RYR2: variants seen among roughly 807,000 people sequenced by gnomAD.
The protein encoded by RYR2 is ryanodine receptor 2, also known as cardiac muscle ryanodine receptor-calcium release channel.
In RYR2, 227 loss-of-function variants were observed where a neutral mutation model predicts 601.1. The ratio of observed to expected loss-of-function variants is 0.38; its 90% confidence interval spans 0.34 to 0.42. The LOEUF (loss-of-function observed/expected upper bound fraction) is 0.42. RYR2 is among the 10% of genes least tolerant of loss of function. The pLI, the probability that RYR2 is intolerant of heterozygous loss-of-function variation, is 1.00. For missense variants in RYR2, 4,646 were observed against 6,156.5 expected (o/e 0.75, Z 8.21); for synonymous variants, 2,223 against 2,175.1 (o/e 1.02, Z -0.61).
chr1:237,773,137 C>T (rs1215909197), intron 86 of RYR2, among the ~76,000 whole-genome samples: 3 of 152,120 alleles, frequency 2.0e-5, no homozygotes, highest in South Asian at 2.1e-4. Context: ...GGCCAGATGT[C>T]GGTACCCCAA....
chr1:237,481,456 G>GT (rs1662082838), intron 17 of RYR2, among the ~76,000 whole-genome samples: 2 of 152,086 alleles, frequency 1.3e-5, no homozygotes, highest in Admixed American at 1.3e-4. Context: ...AAAAAGATGT[G>GT]TTGTAATTAT....
chr1:237,252,853 T>C (rs1034791490), intron 1 of RYR2, among the ~76,000 whole-genome samples: 3 of 152,180 alleles, frequency 2.0e-5, no homozygotes, highest in African/African-American at 7.2e-5. Flanking sequence ...TTAATCCATA[T>C]TCTTTATTTA....
intron 14 of RYR2, among the ~76,000 whole-genome samples, chr1:237,453,617 G>A (rs547371822): frequency 1.9e-4 from 29 of 152,166 alleles, no homozygotes; most frequent in African/African-American, 6.7e-4. Flanking sequence ...AACTACAGTA[G>A]AGATGTTGTC....
Position 237,680,585 on chromosome 1 carries a change from GC to G in RYR2, c.9017+9del. 6.3e-7 allele frequency: 1 copy of G among 1,590,568 alleles called. No homozygotes were observed. Reference sequence around the variant, plus strand: ...GAAAGAAATGGTGACTAGGTAAACAGCTATAAAAATAAGCACTGTTGTATGA... The same window carrying G: ...GAAAGAAATGGTGACTAGGTAAACAGTATAAAAATAAGCACTGTTGTATGA... On this transcript the variant is annotated intron_variant, in intron 62 of 104. Coordinates refer to ENST00000366574, the MANE Select transcript of RYR2 (RefSeq NM_001035.3).
Position 237,826,839 on chromosome 1 carries a change from C to G in RYR2, c.14591-1542C>G, listed in dbSNP as rs376485388. On this transcript the variant is annotated intron_variant, in intron 101 of 104. Coordinates refer to ENST00000366574, the MANE Select transcript of RYR2 (RefSeq NM_001035.3). ...TTTTATGCATGAAGTAACTGAGCCA[C>G]AATAAGTCTAAGGAACTTGGCCAAA... Among the ~76,000 whole-genome samples, 109 of 152,212 alleles carry G rather than the reference C, an allele frequency of 7.2e-4. No individual in the cohort carries two copies. The South Asian group carries it at 0.012, about 17-fold the overall frequency.
At chr1:237,313,830 C>T (rs1343151082) in intron 2 of RYR2, among the ~76,000 whole-genome samples, 1 of 151,916 alleles carries the variant, frequency 6.6e-6, no homozygotes, top group East Asian at 1.9e-4. Context: ...TTTATAGCAT[C>T]CTGTTTTTTA....
intron 24 of RYR2, among the ~76,000 whole-genome samples, chr1:237,529,421 T>C (rs1207872583): frequency 1.3e-5 from 2 of 152,184 alleles, no homozygotes; most frequent in South Asian, 2.1e-4. Context: ...TATAAGCTTA[T>C]ATGTATCTGT....
At chr1:237,806,528 T>C (rs1660652955) in intron 99 of RYR2, among the ~76,000 whole-genome samples, 1 of 152,120 alleles carries the variant, frequency 6.6e-6, no homozygotes, top group Admixed American at 6.5e-5. Flanking sequence ...TACCAGATTT[T>C]TGCGAAAATG....
At chr1:237,818,979 C>T (rs1662137799) in intron 100 of RYR2, 57 bp from the exon 101 acceptor site, 14 of 1,521,744 alleles carry the variant, frequency 9.2e-6, no homozygotes, top group South Asian at 6.3e-5. Context: ...TCGGGTTTGT[C>T]GAGAAAAAAA....
intron 1 of RYR2, among the ~76,000 whole-genome samples, chr1:237,198,935 G>T (rs1297927454): frequency 6.6e-6 from 1 of 151,750 alleles, no homozygotes; most frequent in Non-Finnish European, 1.5e-5. Flanking sequence ...AACCACTTTG[G>T]TTAGGTTTTC....
chr1:237,741,220 G>C (rs1433238733), intron 79 of RYR2, among the ~76,000 whole-genome samples: 1 of 152,152 alleles, frequency 6.6e-6, no homozygotes, highest in Non-Finnish European at 1.5e-5. Context: ...GTATATATTT[G>C]TTGAATGAAT....
chr1:237,439,843 A>G (rs1707740945), intron 12 of RYR2, among the ~76,000 whole-genome samples: 1 of 148,484 alleles, frequency 6.7e-6, no homozygotes, highest in African/African-American at 2.5e-5. Context: ...AAAAAAAAAA[A>G]TGTTAGAGGC....
intron 38 of RYR2, among the ~76,000 whole-genome samples, 156 bp downstream of exon 38, chr1:237,617,642 G>T (rs919743677): frequency 6.6e-5 from 10 of 152,164 alleles, no homozygotes; most frequent in African/African-American, 2.4e-4. Context: ...TTCACCAAAA[G>T]AATTTCTTTG....
chr1:237,785,826 A>G (rs1477510407), intron 90 of RYR2, 143 bp from the exon 91 acceptor site: 30 of 670,078 alleles, frequency 4.5e-5, no homozygotes, highest in Non-Finnish European at 6.2e-5. Flanking sequence ...TATAAAATGA[A>G]AAACACGTGG....
At chr1:237,583,016 A>G (rs1674106452) in intron 29 of RYR2, among the ~76,000 whole-genome samples, 1 of 151,968 alleles carries the variant, frequency 6.6e-6, no homozygotes, top group South Asian at 2.1e-4. Context: ...TGCTTTCCAC[A>G]GTGGCTCAAC....
chr1:237,314,583 A>G (rs1400447457), intron 2 of RYR2, among the ~76,000 whole-genome samples: 1 of 152,202 alleles, frequency 6.6e-6, no homozygotes, highest in Admixed American at 6.5e-5. Flanking sequence ...GCACATATCA[A>G]TTGAACATGA....
chr1:237,587,751 G>T (rs6691013), intron 29 of RYR2, among the ~76,000 whole-genome samples: 35,445 of 152,056 alleles, frequency 0.23, 4,444 homozygotes, highest in East Asian at 0.47. Flanking sequence ...TTAAATGAAA[G>T]TATTTCAAAT....
chr1:237,552,793 A>T (rs1254469518), intron 27 of RYR2, among the ~76,000 whole-genome samples: 1 of 151,954 alleles, frequency 6.6e-6, no homozygotes, highest in Non-Finnish European at 1.5e-5. Context: ...TAGATGGATG[A>T]TGTGGGTTGT....
intron 24 of RYR2, among the ~76,000 whole-genome samples, chr1:237,529,451 C>T (rs1667901274): frequency 6.6e-6 from 1 of 151,882 alleles, no homozygotes; most frequent in Non-Finnish European, 1.5e-5. Flanking sequence ...TAAGCTTATA[C>T]ATATAGATAC....
Sources: allele counts gnomAD v4.1 joint callset (sites outside exome capture counted in the v4.1 genomes callset), GRCh38; gene constraint gnomAD v4.1.1; transcripts MANE v1.5; gene names NCBI Gene and HGNC (gene_info 2026-07-23, HGNC 2026-07-21).